CCDC169: variants seen among roughly 807,000 people sequenced by gnomAD.
CCDC169 encodes coiled-coil domain-containing protein 169.
A neutral mutation model predicts 36.0 loss-of-function variants in CCDC169; 30 were observed. That is an observed-to-expected ratio of 0.83 (90% CI 0.62 to 1.13). The LOEUF (loss-of-function observed/expected upper bound fraction) is 1.13. CCDC169 is among the 50% of genes most tolerant of loss of function. The probability of loss-of-function intolerance (pLI) is 0.00; values close to 1 mark genes in which losing one functional copy is unlikely to be tolerated. For synonymous variants in CCDC169, 85 were observed against 81.5 expected, an observed-to-expected ratio of 1.04 and a Z score of -0.23; for missense variants, 245 against 245.9, an observed-to-expected ratio of 1.00 and a Z score of 0.03.
chr13:36,238,256 C>A (rs746460167), intron 7 of CCDC169, among the ~76,000 whole-genome samples: 1 of 152,182 alleles, frequency 6.6e-6, no homozygotes, highest in Admixed American at 6.5e-5. Context: ...GAGTTGTACA[C>A]TTTATTATTT....
intron 4 of CCDC169, among the ~76,000 whole-genome samples, chr13:36,255,646 G>C (rs1873769164): frequency 8.0e-6 from 1 of 125,618 alleles, no homozygotes; most frequent in Non-Finnish European, 1.7e-5. Context: ...CTGAGTGACA[G>C]AGCAAGGCTC....
intron 4 of CCDC169, among the ~76,000 whole-genome samples, chr13:36,256,446 T>C (rs958122208): frequency 6.6e-6 from 1 of 152,152 alleles, no homozygotes; most frequent in Admixed American, 6.5e-5. Context: ...CAGACACTTA[T>C]AAAGCCATCA....
chr13:36,269,563 A>C (rs914255465), intron 4 of CCDC169, among the ~76,000 whole-genome samples: 1 of 152,260 alleles, frequency 6.6e-6, no homozygotes, highest in Non-Finnish European at 1.5e-5. Flanking sequence ...CACATCAAAA[A>C]GATAAGGTAC....
At chr13:36,222,458 A>G (rs919518781), downstream of CCDC169, 1 of 152,208 alleles carries the variant, frequency 6.6e-6, no homozygotes, top group African/African-American at 2.4e-5. Context: ...GCAAAACTCT[A>G]CGAGGTCAAG....
chr13:36,287,698 T>A (rs1171476527), intron 2 of CCDC169, among the ~76,000 whole-genome samples: 1 of 152,230 alleles, frequency 6.6e-6, no homozygotes, highest in African/African-American at 2.4e-5. Flanking sequence ...TTAAAATTAT[T>A]GATAAAAATA....
downstream of CCDC169, among the ~76,000 whole-genome samples, chr13:36,229,298 C>T (rs116288342): frequency 7.7e-3 from 1,173 of 152,186 alleles, 7 homozygotes; most frequent in African/African-American, 0.023. Flanking sequence ...TTTATACTCT[C>T]TCAACATTCC....
intron 4 of CCDC169, among the ~76,000 whole-genome samples, chr13:36,279,635 T>A (rs1158420722): frequency 6.6e-6 from 1 of 152,168 alleles, no homozygotes; most frequent in Non-Finnish European, 1.5e-5. Context: ...TTCCATAACC[T>A]ACCAAAGTTT....
intron 4 of CCDC169, among the ~76,000 whole-genome samples, chr13:36,255,461 C>T (rs976603040): frequency 1.3e-5 from 2 of 152,042 alleles, no homozygotes; most frequent in South Asian, 2.1e-4. Context: ...CTAAGGAGTT[C>T]GACACCAGCC....
In CCDC169 at chr13:36,297,802, G is replaced by A. The variant is rs1021986869; in HGVS notation, c.-83C>T. Reference sequence around the variant, plus strand: ...TTAAGGGCCACCCAGAAGCCAGTACGGCACGAGGCGGTGAACCCCAACCGC... The same window carrying A: ...TTAAGGGCCACCCAGAAGCCAGTACAGCACGAGGCGGTGAACCCCAACCGC... On this transcript the variant is annotated 5_prime_UTR_variant, in exon 1 of 8. Transcript: ENST00000239859. 12 of 1,325,978 alleles carry A rather than the reference G, an allele frequency of 9.0e-6. No individual in the cohort carries two copies. Among genetic ancestry groups the A allele is most frequent in the South Asian group, 2.5e-5 (2 of 79,454 alleles). The allele number at this position is 1,325,978 out of a possible 1,614,324, so 82.1% of individuals were successfully genotyped here.
intron 4 of CCDC169, among the ~76,000 whole-genome samples, chr13:36,258,830 AT>A (rs1874251256): frequency 6.6e-6 from 1 of 151,990 alleles, no homozygotes. Flanking sequence ...TACACTACGG[AT>A]TTGCCTCTAA....
chr13:36,224,254 T>C (rs1869748940), downstream of CCDC169: 1 of 152,076 alleles, frequency 6.6e-6, no homozygotes, highest in Non-Finnish European at 1.5e-5. Flanking sequence ...CTATTTTCTA[T>C]TCAACATAGT....
At chr13:36,283,345 C>T (rs909184784) in intron 4 of CCDC169, 124 bp downstream of exon 4, 11 of 896,046 alleles carry the variant, frequency 1.2e-5, no homozygotes, top group African/African-American at 8.4e-5. Flanking sequence ...CAAACAGATC[C>T]CTTGAACAAA....
chr13:36,280,011 AAATAT>A (rs2138597225), intron 4 of CCDC169: 1 of 152,310 alleles, frequency 6.6e-6, no homozygotes, highest in Non-Finnish European at 1.5e-5. Context: ...TGATGTACGT[AAATAT>A]ACTAAGGATA....
chr13:36,290,134 A>C (rs1413955789), intron 2 of CCDC169, among the ~76,000 whole-genome samples: 1 of 152,166 alleles, frequency 6.6e-6, no homozygotes. Context: ...GACTCCTGCC[A>C]GTATCTGACA....
At chr13:36,251,364 T>C (rs1480430228) in intron 6 of CCDC169, among the ~76,000 whole-genome samples, 1 of 135,318 alleles carries the variant, frequency 7.4e-6, no homozygotes, top group African/African-American at 2.5e-5. Flanking sequence ...CAATTCACTC[T>C]AGAGTGAAAA....
chr13:36,263,155 T>A (rs1032984862), intron 4 of CCDC169, among the ~76,000 whole-genome samples: 3 of 151,918 alleles, frequency 2.0e-5, no homozygotes, highest in African/African-American at 7.3e-5. Flanking sequence ...ATGTGTTGAA[T>A]TTACAATCAA....
chr13:36,266,832 C>T (rs1875380355), intron 4 of CCDC169, among the ~76,000 whole-genome samples: 1 of 152,202 alleles, frequency 6.6e-6, no homozygotes. Flanking sequence ...GGATCTATTG[C>T]TGTCACACCT....
At chr13:36,236,530 A>G (rs1185651938) in intron 7 of CCDC169, among the ~76,000 whole-genome samples, 1 of 152,024 alleles carries the variant, frequency 6.6e-6, no homozygotes, top group African/African-American at 2.4e-5. Flanking sequence ...TAAAACTATA[A>G]AACTCTTAGA....
Position 36,281,305 on chromosome 13 carries a change from C to CT in CCDC169, c.315+2163dup, listed in dbSNP as rs772784955. The CT allele has an allele frequency of 4.8e-3, 2,161 of 445,594 alleles. 10 individuals are homozygous for CT. The highest frequency in any genetic ancestry group is 7.8e-3 in the Non-Finnish European group (1,746 of 223,902). The allele number at this position is 445,594 out of a possible 1,614,324, so 27.6% of individuals were successfully genotyped here. ...AAGAAAAGAGAAAAAAAAAACTTTACTTGTTTAAACCTTTCTCTTACATTC... is the reference window on the plus strand; with the variant it reads ...AAGAAAAGAGAAAAAAAAAACTTTACTTTGTTTAAACCTTTCTCTTACATTC... On this transcript the variant is annotated intron_variant, in intron 4 of 7. Coordinates refer to ENST00000239859, the MANE Select transcript of CCDC169 (RefSeq NM_001144981.3).
Sources: allele counts gnomAD v4.1 joint callset (sites outside exome capture counted in the v4.1 genomes callset), GRCh38; gene constraint gnomAD v4.1.1; transcripts MANE v1.5; gene names NCBI Gene and HGNC (gene_info 2026-07-23, HGNC 2026-07-21).